Variants in GPR39 observed in about 807,000 individuals in gnomAD.
The protein encoded by GPR39 is G protein-coupled receptor 39, also known as zinc sensing receptor.
GPR39 carries 23 observed loss-of-function variants against 18.4 expected under a neutral mutation model. That is an observed-to-expected ratio of 1.25 (90% CI 0.90 to 1.77). The LOEUF (loss-of-function observed/expected upper bound fraction) is 1.77. GPR39 is among the 40% of genes most tolerant of loss of function. The pLI is 0.00. For synonymous variants in GPR39, 280 were observed against 257.9 expected (o/e 1.09, Z -0.82); for missense variants, 647 against 602.4 (o/e 1.07, Z -0.78).
At chr2:132,577,014 T>C (rs890639642) in intron 1 of GPR39, among the ~76,000 whole-genome samples, 1 of 152,122 alleles carries the variant, frequency 6.6e-6, no homozygotes, top group African/African-American at 2.4e-5. Flanking sequence ...TTTAGCTATA[T>C]AAGTCTCAAA....
intron 1 of GPR39, among the ~76,000 whole-genome samples, chr2:132,612,478 T>TTCACACTTAGA (rs1681254459): frequency 6.6e-6 from 1 of 152,216 alleles, no homozygotes; most frequent in Non-Finnish European, 1.5e-5. Context: ...CAAGCTATCT[T>TTCACACTTAGA]TCACACTTAG....
At chr2:132,502,345 TTGA>T (rs895159981) in intron 1 of GPR39, among the ~76,000 whole-genome samples, 1 of 152,182 alleles carries the variant, frequency 6.6e-6, no homozygotes, top group Non-Finnish European at 1.5e-5. Flanking sequence ...AAGCTTAGTT[TTGA>T]TGGATACAAA....
chr2:132,506,161 A>AT (rs34674290), intron 1 of GPR39, among the ~76,000 whole-genome samples: 88,302 of 150,794 alleles, frequency 0.59, 26,318 homozygotes, highest in Non-Finnish European at 0.64. Context: ...AATGCTGAGC[A>AT]TTTTTTTTTC....
intron 1 of GPR39, among the ~76,000 whole-genome samples, chr2:132,588,484 C>T (rs376545570): frequency 1.3e-5 from 2 of 152,300 alleles, no homozygotes; most frequent in East Asian, 1.9e-4. Context: ...GCTAAGAAAA[C>T]ATGGAGGCTG....
chr2:132,551,883 C>T (rs902594475), intron 1 of GPR39, among the ~76,000 whole-genome samples: 8 of 152,078 alleles, frequency 5.3e-5, no homozygotes. Context: ...ACTCTGTGCT[C>T]GGTTCTCTGC....
chr2:132,527,686 G>T (rs1262547016), intron 1 of GPR39, among the ~76,000 whole-genome samples: 1 of 152,196 alleles, frequency 6.6e-6, no homozygotes, highest in Non-Finnish European at 1.5e-5. Flanking sequence ...TTTCTCTAAT[G>T]ATCAGTGACG....
At chr2:132,583,533 G>A (rs1680666692) in intron 1 of GPR39, among the ~76,000 whole-genome samples, 1 of 152,066 alleles carries the variant, frequency 6.6e-6, no homozygotes, top group Non-Finnish European at 1.5e-5. Flanking sequence ...GGAGAATGAT[G>A]GGAGAAGGGG....
chr2:132,628,681 C>A (rs1681595753), intron 1 of GPR39, among the ~76,000 whole-genome samples: 1 of 152,024 alleles, frequency 6.6e-6, no homozygotes, highest in Non-Finnish European at 1.5e-5. Flanking sequence ...GTACCATTAC[C>A]CATTTCTAAG....
At chr2:132,642,214 C>A (rs188707364) in intron 1 of GPR39, among the ~76,000 whole-genome samples, 30 of 152,314 alleles carry the variant, frequency 2.0e-4, no homozygotes, top group Admixed American at 1.8e-3. Context: ...TAATTCAGGT[C>A]TTTGTCTCTC....
chr2:132,615,475 C>A (rs1681317674), intron 1 of GPR39, among the ~76,000 whole-genome samples: 1 of 152,168 alleles, frequency 6.6e-6, no homozygotes, highest in Admixed American at 6.5e-5. Flanking sequence ...AGCAGCAGAG[C>A]AGCTCCCAAC....
chr2:132,531,924 A>G (rs1371667594), intron 1 of GPR39, among the ~76,000 whole-genome samples: 1 of 152,248 alleles, frequency 6.6e-6, no homozygotes, highest in Non-Finnish European at 1.5e-5. Context: ...ACACCATAAC[A>G]TCACAATTAA....
At chr2:132,595,209 A>G (rs1680915842) in intron 1 of GPR39, among the ~76,000 whole-genome samples, 1 of 152,262 alleles carries the variant, frequency 6.6e-6, no homozygotes, top group Non-Finnish European at 1.5e-5. Context: ...CATGTTGGCC[A>G]GGCTGGTCTT....
chr2:132,531,306 A>C (rs1679625672), intron 1 of GPR39, among the ~76,000 whole-genome samples: 1 of 152,244 alleles, frequency 6.6e-6, no homozygotes, highest in Non-Finnish European at 1.5e-5. Flanking sequence ...AGAGCTAACT[A>C]TCCTAAATAT....
At chr2:132,615,711 G>T (rs968837607) in intron 1 of GPR39, among the ~76,000 whole-genome samples, 1 of 152,170 alleles carries the variant, frequency 6.6e-6, no homozygotes, top group South Asian at 2.1e-4. Flanking sequence ...TCTCCCTTTA[G>T]CCGTATTTAT....
At chr2:132,610,796 A>AAAAG (rs1553460049) in intron 1 of GPR39, among the ~76,000 whole-genome samples, 2 of 149,502 alleles carry the variant, frequency 1.3e-5, no homozygotes, top group Admixed American at 7.2e-5. Context: ...AAAAAAAAAA[A>AAAAG]AAGAAGAAGA....
Position 132,646,355 on chromosome 2 carries a change from A to G in GPR39, c.*749A>G, listed in dbSNP as rs2104890374. On this transcript the variant is annotated 3_prime_UTR_variant, in exon 2 of 2. Coordinates refer to ENST00000329321, the MANE Select transcript of GPR39 (RefSeq NM_001508.3). ...TAGCTGTCCCTCTCAGCCCAAATCC[A>G]AACGGACAGCTCTTCCTTACTCCTC... 9.7e-7 allele frequency: 1 copy of G among 1,028,854 alleles called. No individual in the cohort carries two copies. The highest frequency in any genetic ancestry group is 3.0e-5 in the East Asian group (1 of 32,804). The allele number at this position is 1,028,854 out of a possible 1,614,324, so 63.7% of individuals were successfully genotyped here.
At chr2:132,469,969 A>C (rs10803531) in intron 1 of GPR39, among the ~76,000 whole-genome samples, 122,156 of 152,104 alleles carry the variant, frequency 0.8, 49,783 homozygotes, top group East Asian at 0.96. Context: ...TGTGAAGTTC[A>C]GAGAATGCAA....
At chr2:132,466,941 C>T (rs1475801941) in intron 1 of GPR39, among the ~76,000 whole-genome samples, 1 of 152,164 alleles carries the variant, frequency 6.6e-6, no homozygotes, top group African/African-American at 2.4e-5. Flanking sequence ...TCCTGCGTGA[C>T]AAGGTCACCC....
At chr2:132,572,174 C>T (rs1045063101) in intron 1 of GPR39, among the ~76,000 whole-genome samples, 6 of 152,142 alleles carry the variant, frequency 3.9e-5, no homozygotes, top group Admixed American at 6.5e-5. Context: ...ATCTGCTTTC[C>T]GTAGGGGCAG....
Sources: allele counts gnomAD v4.1 joint callset (sites outside exome capture counted in the v4.1 genomes callset), GRCh38; gene constraint gnomAD v4.1.1; transcripts MANE v1.5; gene names NCBI Gene and HGNC (gene_info 2026-07-23, HGNC 2026-07-21).